Variants in EPC2 observed in about 807,000 individuals in gnomAD.
EPC2 encodes enhancer of polycomb 2.
Under a neutral mutation model 92.1 loss-of-function variants are expected in EPC2, and 14 were observed. The ratio of observed to expected loss-of-function variants is 0.15; its 90% CI spans 0.10 to 0.24. EPC2 has a LOEUF of 0.24. Ranked by LOEUF, EPC2 falls within the 10% of genes least tolerant of loss-of-function variation. EPC2 has a pLI of 1.00. For synonymous variants in EPC2, 340 were observed against 334.7 expected (o/e 1.02, Z -0.17); for missense variants, 755 against 971.5 (o/e 0.78, Z 2.96).
At chr2:148,729,768 C>A (rs1682581420) in intron 2 of EPC2, among the ~76,000 whole-genome samples, 1 of 152,140 alleles carries the variant, frequency 6.6e-6, no homozygotes, top group Non-Finnish European at 1.5e-5. Flanking sequence ...ATTCTTGTAT[C>A]CCCTAGATGC....
In EPC2 at chr2:148,713,297, C is replaced by CAT. The variant is rs1682192554; in HGVS notation, c.313+22924_313+22925insAT. Among the ~76,000 whole-genome samples, 3 of 152,050 alleles carry CAT rather than the reference C, an allele frequency of 2.0e-5. No individual in the cohort carries two copies. In the South Asian group the frequency reaches 6.2e-4, roughly 32 times the overall value. On this transcript the variant is annotated intron_variant, in intron 2 of 13. Coordinates refer to ENST00000258484, the MANE Select transcript of EPC2 (RefSeq NM_015630.4). Reference sequence around the variant, plus strand: ...AAGACAGTGATAATGATGATCATGACCCAGTGTAGGCCTAGGCTAATGGGT... The same window carrying CAT: ...AAGACAGTGATAATGATGATCATGACATCCAGTGTAGGCCTAGGCTAATGGGT...
At chr2:148,666,738 C>T (rs1037945619) in intron 1 of EPC2, among the ~76,000 whole-genome samples, 7 of 152,166 alleles carry the variant, frequency 4.6e-5, no homozygotes, top group Non-Finnish European at 1.0e-4. Context: ...TTAGAAATGC[C>T]AGTTGTCTGG....
chr2:148,699,297 G>T (rs988424907), intron 2 of EPC2, among the ~76,000 whole-genome samples: 1 of 152,118 alleles, frequency 6.6e-6, no homozygotes, highest in African/African-American at 2.4e-5. Flanking sequence ...TACAGCTAAT[G>T]ATGTTATTAA....
At chr2:148,772,274 C>G (rs1683537615) in intron 10 of EPC2, among the ~76,000 whole-genome samples, 1 of 152,018 alleles carries the variant, frequency 6.6e-6, no homozygotes, top group Non-Finnish European at 1.5e-5. Flanking sequence ...TCTGTGGTCT[C>G]TTTATCACAT....
intron 2 of EPC2, among the ~76,000 whole-genome samples, chr2:148,715,222 A>T (rs1682234482): frequency 6.6e-6 from 1 of 151,886 alleles, no homozygotes; most frequent in Non-Finnish European, 1.5e-5. Flanking sequence ...TTTAATAGAG[A>T]CCAGGTTTCA....
At chr2:148,726,765 G>GTTTTTTTTTTTTTTTTTTT (rs201293391) in intron 2 of EPC2, among the ~76,000 whole-genome samples, 13 of 100,590 alleles carry the variant, frequency 1.3e-4, no homozygotes, top group Middle Eastern at 6.5e-3. Context: ...TTTGTTTTTT[G>GTTTTTTTTTTTTTTTTTTT]TTTTTTTTTT....
chr2:148,644,973 GC>G lies in EPC2; in HGVS notation c.-41del. 1 of 1,149,422 alleles carries G rather than the reference GC, an allele frequency of 8.7e-7. No individual in the cohort carries two copies. The highest frequency in any genetic ancestry group is 1.2e-6 in the Non-Finnish European group (1 of 839,914). 71.2% of individuals were successfully genotyped at this position (1,149,422 alleles called of 1,614,324 possible). ...GGGAGTCCTCCCCCCCTCCCCGCCC[GC>G]CCCGCCGCCGCCGCCCGGGCTGTTC... On this transcript the variant is annotated 5_prime_UTR_variant, in exon 1 of 14. Coordinates refer to ENST00000258484, the MANE Select transcript of EPC2 (RefSeq NM_015630.4).
chr2:148,689,238 C>T (rs1681593424), intron 1 of EPC2, among the ~76,000 whole-genome samples: 1 of 150,328 alleles, frequency 6.7e-6, no homozygotes, highest in African/African-American at 2.5e-5. Flanking sequence ...AGTCCAGTGG[C>T]GGATCTCGGC....
At chr2:148,675,741 A>G (rs984902463) in intron 1 of EPC2, among the ~76,000 whole-genome samples, 4 of 152,010 alleles carry the variant, frequency 2.6e-5, no homozygotes, top group Non-Finnish European at 4.4e-5. Context: ...CTGATGGCCT[A>G]TCTCATTGTT....
chr2:148,720,255 T>G (rs1682342273), intron 2 of EPC2, among the ~76,000 whole-genome samples: 1 of 152,226 alleles, frequency 6.6e-6, no homozygotes, highest in Non-Finnish European at 1.5e-5. Context: ...GGGGGGACCC[T>G]TTCTCGTCTG....
intron 2 of EPC2, among the ~76,000 whole-genome samples, chr2:148,728,348 C>T (rs1246266473): frequency 1.3e-5 from 2 of 151,564 alleles, no homozygotes; most frequent in Non-Finnish European, 2.9e-5. Flanking sequence ...TCAAAATTAT[C>T]CTATATTAAT....
rs113999374 is a variant in EPC2, at chr2:148,655,960, C to T, written c.153+10790C>T. On this transcript the variant is annotated intron_variant, in intron 1 of 13. Transcript: ENST00000258484. ...ATATACATAAAAAGTGTCTTTCCTT[C>T]CTCAAGTTCACAGACACGCTACAGA... 7.4e-3 allele frequency among the ~76,000 whole-genome samples: 1,074 copies of T among 144,746 alleles called. 8 individuals are homozygous for T. The highest frequency in any genetic ancestry group is 0.026 in the African/African-American group (1,008 of 38,384). 95.0% of individuals were successfully genotyped at this position (144,746 alleles called of 152,430 possible). A position where few individuals can be genotyped will look rare whatever the true frequency, so the allele number is the denominator to read the frequency against.
At chr2:148,653,703 GC>G (rs1270233847) in intron 1 of EPC2, among the ~76,000 whole-genome samples, 1 of 150,258 alleles carries the variant, frequency 6.7e-6, no homozygotes, top group Admixed American at 6.6e-5. Flanking sequence ...CTGCTTGCTT[GC>G]TTTTTTTTTT....
chr2:148,670,058 C>T (rs1488914872), intron 1 of EPC2, among the ~76,000 whole-genome samples: 1 of 152,136 alleles, frequency 6.6e-6, no homozygotes. Flanking sequence ...GGTACTCTGT[C>T]CTATGAACCT....
chr2:148,709,693 A>G (rs986113537), intron 2 of EPC2, among the ~76,000 whole-genome samples: 2 of 152,210 alleles, frequency 1.3e-5, no homozygotes, highest in Admixed American at 6.5e-5. Context: ...ATAATGCCAC[A>G]TATCTACAAC....
At chr2:148,736,303 G>T (rs1682752257) in intron 2 of EPC2, among the ~76,000 whole-genome samples, 1 of 151,984 alleles carries the variant, frequency 6.6e-6, no homozygotes, top group Non-Finnish European at 1.5e-5. Flanking sequence ...TATCCTTATT[G>T]CTGTTTTTGG....
At chr2:148,663,711 G>T (rs1680996566) in intron 1 of EPC2, among the ~76,000 whole-genome samples, 1 of 146,638 alleles carries the variant, frequency 6.8e-6, no homozygotes, top group South Asian at 2.2e-4. Flanking sequence ...TTGACACCAG[G>T]GACCAGTTTT....
At chr2:148,692,755 T>C (rs1394002000) in intron 2 of EPC2, 3 of 152,196 alleles carry the variant, frequency 2.0e-5, no homozygotes, top group African/African-American at 7.2e-5. Context: ...GTAAAAACCA[T>C]TCTAGGAAAC....
intron 2 of EPC2, among the ~76,000 whole-genome samples, chr2:148,693,753 G>A (rs979591566): frequency 1.3e-5 from 2 of 152,234 alleles, no homozygotes; most frequent in Admixed American, 1.3e-4. Flanking sequence ...TTTGAGTTAT[G>A]CCTTATTTTG....
Sources: gnomAD v4.1 joint callset for allele counts (sites outside exome capture counted in the v4.1 genomes callset) on GRCh38, gnomAD v4.1.1 for gene constraint, MANE v1.5 for transcripts, NCBI Gene and HGNC (gene_info 2026-07-23, HGNC 2026-07-21) for gene names.